Variants in GKAP1 observed in about 807,000 individuals in gnomAD.
GKAP1 encodes the protein G kinase-anchoring protein 1.
Under a neutral mutation model 56.7 loss-of-function variants are expected in GKAP1, and 31 were observed. The observed-to-expected ratio is 0.55, with a 90% confidence interval of 0.41 to 0.74. The LOEUF (loss-of-function observed/expected upper bound fraction) is 0.74. Ranked by LOEUF, GKAP1 falls within the 30% of genes least tolerant of loss-of-function variation. The probability of loss-of-function intolerance (pLI) is 0.00; values close to 1 mark genes in which losing one functional copy is unlikely to be tolerated. For synonymous variants in GKAP1, 151 were observed against 138.6 expected (o/e 1.09, Z -0.63); for missense variants, 364 against 402.3 (o/e 0.90, Z 0.82).
chr9:83,762,715 A>G (rs932525862), intron 8 of GKAP1, among the ~76,000 whole-genome samples: 1 of 152,202 alleles, frequency 6.6e-6, no homozygotes, highest in African/African-American at 2.4e-5. Context: ...AGACCAATGG[A>G]ACAGAACCCA....
In GKAP1 at chr9:83,804,110, C is replaced by T. The variant is rs1417200132; in HGVS notation, c.216+2192G>A. The stretch of plus-strand genomic sequence containing the variant: ...GTCTCCGCCCGGCAGCCGCCCCGTC[C>T]GGGAGGGAGGTAGGGGGGTCAGCCC... On this transcript the variant is annotated intron_variant, in intron 3 of 12. Coordinates refer to ENST00000376371, the MANE Select transcript of GKAP1 (RefSeq NM_025211.4). Among the ~76,000 whole-genome samples, 234 of 150,648 alleles carry T rather than the reference C, an allele frequency of 1.6e-3. 1 individual carries two copies. The highest frequency in any genetic ancestry group is 2.7e-3 in the Non-Finnish European group (179 of 67,526).
At position 83,788,615 on chromosome 9, in the gene GKAP1, C is replaced by T; in HGVS notation, c.424G>A (p.Glu142Lys). 1 of 1,582,716 alleles carries T rather than the reference C, an allele frequency of 6.3e-7. No individual in the cohort carries two copies. The highest frequency in any genetic ancestry group is 1.3e-5 in the African/African-American group (1 of 74,338). ...KALLLSKLEY[E>K]EHKKEYEDAE... Reference sequence around the variant, plus strand: ...TATGTAAATACCTTTTTGTGCTCTTCATATTCTAGTTTACTTAGTAACAAT... The same window carrying T: ...TATGTAAATACCTTTTTGTGCTCTTTATATTCTAGTTTACTTAGTAACAAT... The change falls in exon 5 of 13, where the codon GAA (glutamate) becomes AAA (lysine). Residue 142 changes from glutamate to lysine, a missense_variant. Glu to Lys is a moderately conservative substitution (Grantham distance 56, BLOSUM62 1). Transcript: ENST00000376371.
intron 8 of GKAP1, among the ~76,000 whole-genome samples, chr9:83,757,206 G>A (rs111531386): frequency 4.6e-5 from 7 of 152,266 alleles, no homozygotes; most frequent in African/African-American, 1.7e-4. Context: ...GATGGCATGT[G>A]AAATGAATGA....
chr9:83,793,208 G>A (rs1303121871), intron 4 of GKAP1, among the ~76,000 whole-genome samples: 2 of 152,252 alleles, frequency 1.3e-5, no homozygotes, highest in East Asian at 3.9e-4. Flanking sequence ...AATTCCAAAT[G>A]AAGAGTTAGT....
At chr9:83,787,519 A>T (rs1944085584) in intron 5 of GKAP1, among the ~76,000 whole-genome samples, 1 of 152,170 alleles carries the variant, frequency 6.6e-6, no homozygotes, top group Non-Finnish European at 1.5e-5. Flanking sequence ...GTGAATTTTA[A>T]TTATTCACTT....
intron 6 of GKAP1, among the ~76,000 whole-genome samples, chr9:83,782,965 C>T (rs909745696): frequency 6.6e-6 from 1 of 152,032 alleles, no homozygotes; most frequent in Non-Finnish European, 1.5e-5. Context: ...CCACCACGCC[C>T]GACCAAAACT....
chr9:83,795,294 C>A (rs1587731119), intron 4 of GKAP1, among the ~76,000 whole-genome samples: 2 of 152,042 alleles, frequency 1.3e-5, no homozygotes, highest in East Asian at 3.9e-4. Context: ...ACATGACACT[C>A]ATTTCAATTA....
chr9:83,753,877 T>C (rs1943433970), intron 8 of GKAP1, among the ~76,000 whole-genome samples: 1 of 151,972 alleles, frequency 6.6e-6, no homozygotes, highest in East Asian at 1.9e-4. Context: ...ATCTCGAAAA[T>C]GACACAGAAC....
intron 8 of GKAP1, among the ~76,000 whole-genome samples, chr9:83,764,061 A>G (rs1213054185): frequency 6.6e-6 from 1 of 152,240 alleles, no homozygotes; most frequent in Non-Finnish European, 1.5e-5. Context: ...GTGGCTTTAA[A>G]AAAGATACTA....
chr9:83,795,638 C>T (rs1274074676), intron 4 of GKAP1, among the ~76,000 whole-genome samples: 1 of 135,958 alleles, frequency 7.4e-6, no homozygotes, highest in Non-Finnish European at 1.5e-5. Flanking sequence ...GTCACCCAGG[C>T]TGAAGTGCAC....
In GKAP1 at chr9:83,804,504, G is replaced by A. The variant is rs1220082153; in HGVS notation, c.216+1798C>T. ...GAGGAGCCCCTCTGCTCGGCCAGCC[G>A]CCCCGTCCGGGAGGGAGGTGGGGGG... is the stretch of plus-strand genomic sequence containing the variant. On this transcript the variant is annotated intron_variant, in intron 3 of 12. Transcript: ENST00000376371. Among the ~76,000 whole-genome samples the A allele has an allele frequency of 1.2e-4, 9 of 74,194 alleles. 1 individual carries two copies. The East Asian group carries it at 2.9e-3, about 24-fold the overall frequency. 48.7% of individuals were successfully genotyped at this position (74,194 alleles called of 152,430 possible).
At chr9:83,750,687 T>G (rs1028048713) in intron 9 of GKAP1, among the ~76,000 whole-genome samples, 4 of 152,242 alleles carry the variant, frequency 2.6e-5, no homozygotes, top group African/African-American at 9.6e-5. Flanking sequence ...TTAAAAAATC[T>G]ATTTTTTAAT....
At chr9:83,739,778 T>C (rs758350231) in intron 12 of GKAP1, 34 bp from the exon 13 acceptor site, 141 of 1,548,230 alleles carry the variant, frequency 9.1e-5, no homozygotes, top group Non-Finnish European at 1.1e-4. Context: ...GAAAATTATT[T>C]ACAACATACC....
At chr9:83,802,468 G>A (rs911628798) in intron 3 of GKAP1, among the ~76,000 whole-genome samples, 2 of 142,034 alleles carry the variant, frequency 1.4e-5, no homozygotes, top group Non-Finnish European at 1.5e-5. Context: ...GGCAACAGAG[G>A]AAGACTCCAT....
chr9:83,776,447 C>T (rs1032656096), intron 7 of GKAP1, among the ~76,000 whole-genome samples: 3 of 152,098 alleles, frequency 2.0e-5, no homozygotes, highest in Non-Finnish European at 4.4e-5. Context: ...CACCTCTAAT[C>T]CCACTTTGGG....
chr9:83,786,469 A>T (rs1254739962), intron 5 of GKAP1, among the ~76,000 whole-genome samples: 1 of 151,772 alleles, frequency 6.6e-6, no homozygotes, highest in East Asian at 1.9e-4. Flanking sequence ...TGAACCCGGG[A>T]GGCGGGGGTT....
chr9:83,749,998 A>C (rs190459071), intron 9 of GKAP1, among the ~76,000 whole-genome samples: 1 of 152,054 alleles, frequency 6.6e-6, no homozygotes. Context: ...ATGAAACTAC[A>C]CTCGCTATGA....
intron 8 of GKAP1, among the ~76,000 whole-genome samples, chr9:83,760,748 C>T (rs1943555994): frequency 6.6e-6 from 1 of 152,004 alleles, no homozygotes; most frequent in Admixed American, 6.6e-5. Context: ...GGAAATTAAA[C>T]AATATCCTCC....
chr9:83,802,056 TAAAC>T (rs1157417268), intron 3 of GKAP1, among the ~76,000 whole-genome samples: 7 of 152,178 alleles, frequency 4.6e-5, no homozygotes, highest in Admixed American at 3.9e-4. Context: ...CTCCTTCTAT[TAAAC>T]AAAACACATA....
Sources: allele counts gnomAD v4.1 joint callset (sites outside exome capture counted in the v4.1 genomes callset), GRCh38; gene constraint gnomAD v4.1.1; transcripts MANE v1.5; gene names NCBI Gene and HGNC (gene_info 2026-07-23, HGNC 2026-07-21).